LIMA1: variants seen among roughly 807,000 people sequenced by gnomAD.
LIMA1 encodes the protein LIM domain and actin binding 1.
A neutral mutation model predicts 62.6 loss-of-function variants in LIMA1; 52 were observed. That is an observed-to-expected ratio of 0.83 (90% confidence interval 0.67 to 1.05). The LOEUF is 1.05. LIMA1 is among the 50% of genes least tolerant of loss of function. LIMA1 has a pLI of 0.00. For missense variants in LIMA1, 780 were observed against 902.2 expected (o/e 0.86, Z 1.74); for synonymous variants, 302 against 317.8 (o/e 0.95, Z 0.53).
chr12:50,180,582 G>GT (rs1300249683), intron 10 of LIMA1, among the ~76,000 whole-genome samples: 1 of 152,150 alleles, frequency 6.6e-6, no homozygotes, highest in Non-Finnish European at 1.5e-5. Flanking sequence ...AGGATTACAG[G>GT]TGTGATCCTT....
chr12:50,238,066 T>C (rs1941721530), intron 2 of LIMA1, among the ~76,000 whole-genome samples: 1 of 152,232 alleles, frequency 6.6e-6, no homozygotes, highest in African/African-American at 2.4e-5. Flanking sequence ...TTTCTTATTC[T>C]TGTTTTTCTT....
chr12:50,213,046 C>CTCAA (rs1941285342), intron 4 of LIMA1, among the ~76,000 whole-genome samples: 1 of 152,126 alleles, frequency 6.6e-6, no homozygotes, highest in Non-Finnish European at 1.5e-5. Context: ...AACTCCTGAC[C>CTCAA]TCAAGTGCTG....
chr12:50,226,885 T>A (rs2138572946), intron 3 of LIMA1, among the ~76,000 whole-genome samples: 1 of 150,456 alleles, frequency 6.6e-6, no homozygotes, highest in Admixed American at 6.6e-5. Flanking sequence ...CACTACTCAG[T>A]TTCATAATTT....
chr12:50,231,739 C>G (rs375112696), intron 2 of LIMA1, 29 bp from the exon 3 acceptor site: 3 of 1,594,842 alleles, frequency 1.9e-6, no homozygotes, highest in Non-Finnish European at 2.6e-6. Context: ...AAGAATGTCT[C>G]AAATTAAACT....
At chr12:50,238,985 A>G (rs1011989237) in intron 2 of LIMA1, among the ~76,000 whole-genome samples, 3 of 152,212 alleles carry the variant, frequency 2.0e-5, no homozygotes, top group African/African-American at 7.2e-5. Context: ...TGTGATACAT[A>G]CTATTCTGCT....
intron 7 of LIMA1, among the ~76,000 whole-genome samples, chr12:50,196,847 G>A (rs927140517): frequency 1.4e-4 from 22 of 152,080 alleles, no homozygotes; most frequent in African/African-American, 4.6e-4. Flanking sequence ...AAAATAAACC[G>A]GTACAATCAC....
chr12:50,274,916 T>C (rs538440566), intron 1 of LIMA1, among the ~76,000 whole-genome samples: 13 of 152,250 alleles, frequency 8.5e-5, no homozygotes, highest in Middle Eastern at 6.8e-3. Context: ...GTGAGAAGCA[T>C]GCGATGACAC....
chr12:50,282,624 CAA>C (rs1041754333), intron 1 of LIMA1, among the ~76,000 whole-genome samples: 1 of 152,186 alleles, frequency 6.6e-6, no homozygotes, highest in Non-Finnish European at 1.5e-5. Flanking sequence ...CTCAGTTTCC[CAA>C]AGTGTTGGGA....
intron 1 of LIMA1, among the ~76,000 whole-genome samples, chr12:50,267,568 G>A (rs1942154648): frequency 6.6e-6 from 1 of 150,632 alleles, no homozygotes; most frequent in Admixed American, 6.6e-5. Context: ...TCGCCAGGCT[G>A]GAGTGCAGTG....
Position 50,248,742 on chromosome 12 carries a change from A to T in LIMA1, c.10T>A (p.Ser4Thr). 1 of 1,587,306 alleles carries T rather than the reference A, an allele frequency of 6.3e-7. No homozygotes were observed. The change falls in exon 2 of 11, where the codon TCT becomes ACT. Residue 4 changes from serine to threonine, a missense_variant. By Grantham distance (58) the Ser-to-Thr change is moderately conservative (BLOSUM62 1). Coordinates refer to ENST00000341247, the MANE Select transcript of LIMA1 (RefSeq NM_016357.5). ...GTCCATTGCCGTCTATTAAATGGAG[A>T]TGATTCCATCTTGTCTACAGACACT... is the stretch of plus-strand genomic sequence containing the variant. MES[S>T]PFNRRQWTSL... is the part of the protein sequence containing the mutation.
At chr12:50,219,118 T>C (rs1394830337) in intron 4 of LIMA1, among the ~76,000 whole-genome samples, 1 of 152,124 alleles carries the variant, frequency 6.6e-6, no homozygotes, top group African/African-American at 2.4e-5. Context: ...GGTTTGAGTA[T>C]AAGATTGGCT....
At chr12:50,259,887 C>A (rs923558234) in intron 1 of LIMA1, among the ~76,000 whole-genome samples, 2 of 152,088 alleles carry the variant, frequency 1.3e-5, no homozygotes, top group African/African-American at 4.8e-5. Context: ...ATATTTTGTG[C>A]CTTCAAAAAC....
intron 8 of LIMA1, among the ~76,000 whole-genome samples, chr12:50,195,413 G>A (rs376475517): frequency 5.9e-5 from 9 of 151,704 alleles, no homozygotes; most frequent in African/African-American, 2.2e-4. Flanking sequence ...AGATAAACAG[G>A]GAAAAAATAT....
intron 9 of LIMA1, among the ~76,000 whole-genome samples, chr12:50,191,753 C>T (rs1421108283): frequency 5.3e-5 from 8 of 152,076 alleles, no homozygotes; most frequent in African/African-American, 1.4e-4. Context: ...ACCCGGGAGG[C>T]GGAGCTTGCA....
intron 1 of LIMA1, among the ~76,000 whole-genome samples, chr12:50,270,075 A>G (rs1438772445): frequency 1.3e-5 from 2 of 151,340 alleles, no homozygotes; most frequent in Non-Finnish European, 2.9e-5. Context: ...TCTCTACTAA[A>G]AATACAAAAT....
Position 50,280,144 on chromosome 12 carries a change from A to ATTTTTTTTTTTTTTTTTT in LIMA1, c.-24+3258_-24+3275dup, listed in dbSNP as rs71441354. On this transcript the variant is annotated intron_variant, in intron 1 of 10. Transcript: ENST00000341247. ...AAGTTCTTAGTTTCAGGGTAGTAGT[A>ATTTTTTTTTTTTTTTTTT]TTTTTTTTTTTTTTTTTTTTTTTTT... 8.8e-5 allele frequency among the ~76,000 whole-genome samples: 6 copies of ATTTTTTTTTTTTTTTTTT among 68,310 alleles called. 1 individual carries two copies. Among genetic ancestry groups the ATTTTTTTTTTTTTTTTTT allele is most frequent in the African/African-American group, 3.6e-4 (6 of 16,604 alleles). The allele number at this position is 68,310 out of a possible 152,430, so 44.8% of individuals were successfully genotyped here. A position where few individuals can be genotyped will look rare whatever the true frequency, so the allele number is the denominator to read the frequency against.
chr12:50,259,727 A>T (rs1942041693), intron 1 of LIMA1, among the ~76,000 whole-genome samples: 1 of 152,194 alleles, frequency 6.6e-6, no homozygotes. Context: ...CTGTTCTTGG[A>T]AGAGCTTCAG....
At chr12:50,197,920 A>G (rs923774507) in intron 7 of LIMA1, among the ~76,000 whole-genome samples, 5 of 152,060 alleles carry the variant, frequency 3.3e-5, no homozygotes, top group Admixed American at 6.6e-5. Context: ...GTTTAACAAG[A>G]TAACTCACTT....
At chr12:50,192,674 A>C in intron 8 of LIMA1, 113 bp from the exon 9 acceptor site, 1 of 699,064 alleles carries the variant, frequency 1.4e-6, no homozygotes, top group Non-Finnish European at 2.6e-6. Flanking sequence ...TCCTTCCAAC[A>C]CCAGGAAAAA....
Sources: allele counts gnomAD v4.1 joint callset (sites outside exome capture counted in the v4.1 genomes callset), GRCh38; gene constraint gnomAD v4.1.1; transcripts MANE v1.5; gene names NCBI Gene and HGNC (gene_info 2026-07-23, HGNC 2026-07-21).